The following ST3GAL5 variants were observed in gnomAD, a reference collection of about 807,000 sequenced individuals.
ST3GAL5 encodes ST3 beta-galactoside alpha-2,3-sialyltransferase 5, also known as lactosylceramide alpha-2,3-sialyltransferase.
Under a neutral mutation model 46.1 loss-of-function variants are expected in ST3GAL5, and 25 were observed. The ratio of observed to expected loss-of-function variants is 0.54; its 90% CI spans 0.40 to 0.76. ST3GAL5 has a LOEUF of 0.76. Among genes scored for constraint, ST3GAL5 ranks in the 30% least tolerant of loss-of-function variants. The pLI is 0.00. For missense variants in ST3GAL5, 431 were observed against 521.2 expected (o/e 0.83, Z 1.69); for synonymous variants, 182 against 192.7 (o/e 0.94, Z 0.46).
intron 1 of ST3GAL5, among the ~76,000 whole-genome samples, chr2:85,879,204 A>G (rs2104214961): frequency 6.6e-6 from 1 of 152,190 alleles, no homozygotes; most frequent in African/African-American, 2.4e-5. Context: ...GCTGAGCCAC[A>G]GCCAGAAAGG....
chr2:85,875,703 C>T (rs75417733), intron 1 of ST3GAL5, among the ~76,000 whole-genome samples: 522 of 151,850 alleles, frequency 3.4e-3, no homozygotes, highest in African/African-American at 0.012. Flanking sequence ...AACACTGGGG[C>T]GGAGAAAACA....
chr2:85,858,334 G>A (rs1297895134), intron 3 of ST3GAL5: 1 of 152,454 alleles, frequency 6.6e-6, no homozygotes, highest in Non-Finnish European at 1.5e-5. Context: ...TTTTGAGACA[G>A]AGTTTCACTC....
chr2:85,845,193 G>A (rs1290955284), intron 5 of ST3GAL5: 1 of 158,520 alleles, frequency 6.3e-6, no homozygotes, highest in Non-Finnish European at 1.4e-5. Context: ...TAATGGGTGA[G>A]ACTATAAAGT....
At chr2:85,846,864 A>T (rs1682852634) in intron 4 of ST3GAL5, 2 of 304,682 alleles carry the variant, frequency 6.6e-6, no homozygotes, top group East Asian at 1.3e-4. Flanking sequence ...CCAGTAAAAT[A>T]TCCTCAGAAA....
chr2:85,861,142 C>T, intron 3 of ST3GAL5, 39 bp downstream of exon 3: 2 of 1,297,174 alleles, frequency 1.5e-6, no homozygotes, highest in Non-Finnish European at 1.1e-6. Context: ...ATATGCTTGG[C>T]AATGTTTTCA....
At chr2:85,868,037 A>G (rs1044669706) in intron 1 of ST3GAL5, 14 of 232,256 alleles carry the variant, frequency 6.0e-5, no homozygotes, top group East Asian at 4.7e-4. Context: ...ACGTCCCTCA[A>G]CATCACAAGA....
intron 1 of ST3GAL5, among the ~76,000 whole-genome samples, chr2:85,870,722 G>A (rs989239002): frequency 7.3e-5 from 11 of 151,298 alleles, no homozygotes; most frequent in Admixed American, 5.3e-4. Flanking sequence ...TGTTGCCCGG[G>A]CTGAAGTGCA....
chr2:85,866,712 C>T (rs1685322570), intron 1 of ST3GAL5, among the ~76,000 whole-genome samples: 1 of 152,228 alleles, frequency 6.6e-6, no homozygotes, highest in South Asian at 2.1e-4. Flanking sequence ...CTGGGCACGT[C>T]CCTATCTCTG....
chr2:85,851,621 C>T, intron 3 of ST3GAL5: 2 of 1,289,478 alleles, frequency 1.6e-6, no homozygotes, highest in Non-Finnish European at 2.0e-6. Context: ...TCTGCTTCAG[C>T]TGCTCTCTTC....
At chr2:85,851,785 G>T in intron 3 of ST3GAL5, 1 of 1,207,478 alleles carries the variant, frequency 8.3e-7, no homozygotes, top group Non-Finnish European at 1.1e-6. Flanking sequence ...GTCAGCTGGG[G>T]CCTGGGTGGC....
chr2:85,840,955 A>AAAAAAAAAAC, intron 6 of ST3GAL5, among the ~76,000 whole-genome samples: 1 of 150,248 alleles, frequency 6.7e-6, no homozygotes, highest in Non-Finnish European at 1.5e-5. Flanking sequence ...AAAAAAAAAA[A>AAAAAAAAAAC]AAAAAAAAAA....
At position 85,841,723 on chromosome 2, in the gene ST3GAL5, G is replaced by C. The variant is rs1316536288; in HGVS notation, c.1009-1331C>G. ...CTGACCTTGGCCTAGAATCTCCATT[G>C]TCTAAACCTTTCTAGATTCTGATGG... On this transcript the variant is annotated intron_variant, in intron 6 of 6. Coordinates refer to ENST00000638572, the MANE Select transcript of ST3GAL5 (RefSeq NM_003896.4). Among the ~76,000 whole-genome samples the C allele has an allele frequency of 3.9e-5, 6 of 152,140 alleles. No individual in the cohort carries two copies. In the South Asian group the frequency reaches 1.2e-3, roughly 31 times the overall value.
chr2:85,862,659 T>C (rs931871387), intron 2 of ST3GAL5, among the ~76,000 whole-genome samples: 11 of 152,198 alleles, frequency 7.2e-5, no homozygotes, highest in Non-Finnish European at 4.4e-5. Context: ...GCGCCCAGCA[T>C]GACGTCATGA....
intron 3 of ST3GAL5, chr2:85,853,662 T>C (rs959464568): frequency 6.5e-6 from 1 of 154,948 alleles, no homozygotes; most frequent in Non-Finnish European, 1.4e-5. Flanking sequence ...TCCACTCTAT[T>C]CTTGCTTCAG....
chr2:85,851,863 G>T (rs763356539), intron 3 of ST3GAL5, among the ~76,000 whole-genome samples: 1 of 152,144 alleles, frequency 6.6e-6, no homozygotes, highest in Admixed American at 6.5e-5. Context: ...AAGAACTCCC[G>T]TTCGTCTTAT....
At chr2:85,862,398 C>G (rs374685125) in intron 2 of ST3GAL5, among the ~76,000 whole-genome samples, 1 of 151,998 alleles carries the variant, frequency 6.6e-6, no homozygotes, top group Non-Finnish European at 1.5e-5. Flanking sequence ...CTCTTTAATA[C>G]CTTTTGAATT....
chr2:85,851,235 GT>G, intron 3 of ST3GAL5: 1 of 1,062,744 alleles, frequency 9.4e-7, no homozygotes, highest in Non-Finnish European at 1.1e-6. Context: ...TTTCTAGACT[GT>G]GGGTAGGGCA....
intron 2 of ST3GAL5, 116 bp downstream of exon 2, chr2:85,863,246 G>C (rs1684915163): frequency 1.3e-6 from 2 of 1,586,204 alleles, no homozygotes; most frequent in African/African-American, 1.3e-5. Flanking sequence ...GGCATCCTTT[G>C]ACCAAGCATG....
Position 85,844,509 on chromosome 2 carries a change from T to C in ST3GAL5, c.895A>G (p.Ile299Val), listed in dbSNP as rs775050657. The change falls in exon 6 of 7, where the codon ATC (isoleucine) becomes GTC (valine). Residue 299 changes from isoleucine to valine, a missense_variant. Transcript: ENST00000638572. ...CTGAAATGTTTTGGCTGCAGTGGGATTTTTTCTGCCACCTGCTTCCAAAAG... is the reference window on the plus strand; with the variant it reads ...CTGAAATGTTTTGGCTGCAGTGGGACTTTTTCTGCCACCTGCTTCCAAAAG... ...LFFWKQVAEK[I>V]PLQPKHFRIL... 6.2e-7 allele frequency: 1 copy of C among 1,614,106 alleles called. No homozygotes were observed. Among genetic ancestry groups the C allele is most frequent in the South Asian group, 1.1e-5 (1 of 91,078 alleles).
Sources: gnomAD v4.1 joint callset for allele counts (sites outside exome capture counted in the v4.1 genomes callset) on GRCh38, gnomAD v4.1.1 for gene constraint, MANE v1.5 for transcripts, NCBI Gene and HGNC (gene_info 2026-07-23, HGNC 2026-07-21) for gene names.